The following ROBO2 variants were observed in gnomAD, a reference collection of about 807,000 sequenced individuals.
ROBO2 encodes roundabout guidance receptor 2.
In ROBO2, 53 loss-of-function variants were observed where a neutral mutation model predicts 160.8. The observed-to-expected ratio is 0.33, with a 90% CI of 0.26 to 0.41. The LOEUF is 0.41. ROBO2 is among the 10% of genes least tolerant of loss of function. The pLI, the probability that ROBO2 is intolerant of heterozygous loss-of-function variation, is 1.00. For missense variants in ROBO2, 1,577 were observed against 1,722.4 expected, an observed-to-expected ratio of 0.92 and a Z score of 1.49; for synonymous variants, 664 against 611.7, an observed-to-expected ratio of 1.09 and a Z score of -1.26.
At chr3:76,872,794 T>C (rs1380417822) in intron 2 of ROBO2, among the ~76,000 whole-genome samples, 1 of 152,012 alleles carries the variant, frequency 6.6e-6, no homozygotes, top group African/African-American at 2.4e-5. Context: ...ATTAAGACTT[T>C]ATACACCCTT....
chr3:76,994,050 C>T (rs77750730), intron 2 of ROBO2, among the ~76,000 whole-genome samples: 5 of 150,650 alleles, frequency 3.3e-5, no homozygotes, highest in East Asian at 2.0e-4. Flanking sequence ...GTTCTCACTC[C>T]GTAATTTGGT....
At chr3:77,545,779 A>G (rs1246510019) in intron 6 of ROBO2, among the ~76,000 whole-genome samples, 1 of 152,116 alleles carries the variant, frequency 6.6e-6, no homozygotes, top group East Asian at 1.9e-4. Context: ...TTACCCTTGT[A>G]TATAATTCCC....
At chr3:77,582,348 A>G (rs1583087017) in intron 16 of ROBO2, among the ~76,000 whole-genome samples, 1 of 151,446 alleles carries the variant, frequency 6.6e-6, no homozygotes, top group African/African-American at 2.4e-5. Context: ...TGATCCTCAC[A>G]CCTTGGCCTC....
intron 23 of ROBO2, 168 bp from the exon 25 acceptor site, chr3:77,634,701 GC>G (rs1413400556): frequency 7.2e-6 from 5 of 696,794 alleles, no homozygotes; most frequent in African/African-American, 1.8e-5. Flanking sequence ...AATATGTGCA[GC>G]TGAGAATGTA....
At chr3:76,418,053 T>C (rs1294251318) in intron 2 of ROBO2, among the ~76,000 whole-genome samples, 2 of 151,972 alleles carry the variant, frequency 1.3e-5, no homozygotes, top group African/African-American at 2.4e-5. Flanking sequence ...ACCTTAACTT[T>C]GCTTAAATTG....
intron 2 of ROBO2, chr3:76,433,884 A>G: frequency 6.9e-6 from 4 of 583,020 alleles, no homozygotes; most frequent in South Asian, 6.2e-5. Context: ...TTTTCTTTGA[A>G]GTTTGCAAGC....
chr3:76,882,963 G>T (rs1238503377), intron 2 of ROBO2, among the ~76,000 whole-genome samples: 1 of 152,078 alleles, frequency 6.6e-6, no homozygotes. Flanking sequence ...TTTTGTGTAT[G>T]TTAGCGTTAC....
At chr3:76,061,544 C>T (rs73842937) in intron 2 of ROBO2, among the ~76,000 whole-genome samples, 3,151 of 152,130 alleles carry the variant, frequency 0.021, 44 homozygotes, top group East Asian at 0.081. Context: ...ATAGTAGAGA[C>T]GTGTTCTGTT....
At chr3:77,292,154 ACGGGTAAGC>A (rs2061369088) in intron 2 of ROBO2, among the ~76,000 whole-genome samples, 2 of 151,570 alleles carry the variant, frequency 1.3e-5, no homozygotes, top group Non-Finnish European at 1.5e-5. Context: ...TGATGGTTAA[ACGGGTAAGC>A]TGAGGCTAGA....
intron 2 of ROBO2, among the ~76,000 whole-genome samples, chr3:76,510,813 C>T (rs9849425): frequency 0.64 from 96,884 of 151,978 alleles, 31,137 homozygotes; most frequent in African/African-American, 0.71. Flanking sequence ...AAGATCTTGA[C>T]TGTATATTGA....
chr3:76,679,664 A>G (rs2092505683), intron 2 of ROBO2, among the ~76,000 whole-genome samples: 1 of 152,160 alleles, frequency 6.6e-6, no homozygotes, highest in Non-Finnish European at 1.5e-5. Flanking sequence ...CAAAAATAAC[A>G]CTATTAGTCC....
intron 2 of ROBO2, among the ~76,000 whole-genome samples, chr3:76,386,470 G>C (rs921937223): frequency 2.6e-5 from 4 of 151,740 alleles, no homozygotes; most frequent in African/African-American, 9.7e-5. Flanking sequence ...GCACTCATGA[G>C]GGTTGCATTC....
intron 2 of ROBO2, among the ~76,000 whole-genome samples, chr3:76,648,309 CTT>C (rs2091082033): frequency 6.6e-6 from 1 of 151,972 alleles, no homozygotes; most frequent in South Asian, 2.1e-4. Context: ...CATATAAAAA[CTT>C]TAAAAATTTG....
intron 2 of ROBO2, among the ~76,000 whole-genome samples, chr3:76,796,115 T>C (rs1485439998): frequency 1.3e-5 from 2 of 152,008 alleles, no homozygotes; most frequent in Admixed American, 6.6e-5. Flanking sequence ...AGCCCTAGGA[T>C]TTTCAAAATT....
intron 2 of ROBO2, among the ~76,000 whole-genome samples, chr3:75,951,950 G>A (rs1948554029): frequency 6.6e-6 from 1 of 151,808 alleles, no homozygotes; most frequent in East Asian, 1.9e-4. Context: ...AAGAAATTTA[G>A]CTTAATACTA....
rs531941513 is a variant in ROBO2 at position 76,469,536 on chromosome 3, T to G, written c.109+531934T>G. Among the ~76,000 whole-genome samples, 9 of 152,226 alleles carry G rather than the reference T, an allele frequency of 5.9e-5. 1 individual carries two copies. Among genetic ancestry groups the G allele is most frequent in the African/African-American group, 2.2e-4 (9 of 41,566 alleles). ...TCACCCCTGCCTACTCACTTGAGCC[T>G]TAACGCATACTGTCCCCCCACACCT... On this transcript the variant is annotated intron_variant, in intron 2 of 26. Transcript: ENST00000487694.
intron 2 of ROBO2, among the ~76,000 whole-genome samples, chr3:77,146,020 A>G (rs1371734587): frequency 1.3e-5 from 2 of 152,096 alleles, no homozygotes; most frequent in Admixed American, 1.3e-4. Flanking sequence ...TTCCTGCTAA[A>G]TGTTACAGGG....
chr3:77,565,145 A>G (rs1339758516), intron 12 of ROBO2, 25 bp downstream of exon 13: 1 of 1,612,778 alleles, frequency 6.2e-7, no homozygotes, highest in East Asian at 2.2e-5. Flanking sequence ...TGTCAACAAG[A>G]CTGGTTCTAG....
chr3:77,328,462 C>T (rs1560546305), intron 2 of ROBO2, among the ~76,000 whole-genome samples: 1 of 152,212 alleles, frequency 6.6e-6, no homozygotes. Flanking sequence ...CTACCAGCGT[C>T]TAACCAAACC....
Sources: allele counts gnomAD v4.1 joint callset (sites outside exome capture counted in the v4.1 genomes callset), GRCh38; gene constraint gnomAD v4.1.1; transcripts MANE v1.5; gene names NCBI Gene and HGNC (gene_info 2026-07-23, HGNC 2026-07-21).